The following C13orf46 variants were observed in gnomAD, a reference collection of about 807,000 sequenced individuals.
The protein encoded by C13orf46 is uncharacterized protein C13orf46.
At chr13:113,942,745 C>T in the C13orf46 span, among the ~76,000 whole-genome samples, 3 of 152,202 alleles carry the variant, frequency 2.0e-5, no homozygotes, top group South Asian at 2.1e-4. Context: ...CCTGGGCCAG[C>T]GGGCTCCAGG....
the C13orf46 span, among the ~76,000 whole-genome samples, chr13:113,945,565 GA>G: frequency 1.1e-5 from 1 of 91,204 alleles, no homozygotes; most frequent in Non-Finnish European, 2.5e-5. Flanking sequence ...AAGAAAGAAA[GA>G]AAGAAAGAAA....
At chr13:113,936,940 G>C in the C13orf46 span, among the ~76,000 whole-genome samples, 16 of 152,264 alleles carry the variant, frequency 1.1e-4, no homozygotes, top group African/African-American at 3.6e-4. Context: ...AGAATAAAGG[G>C]GGGTAATCCT....
At chr13:113,962,161 C>T (rs1184123218) in intron 6 of C13orf46, among the ~76,000 whole-genome samples, 4 of 152,198 alleles carry the variant, frequency 2.6e-5, no homozygotes, top group African/African-American at 7.2e-5. Context: ...CCCAGCACAT[C>T]GGGAGGCTGA....
At chr13:113,940,401 A>G in the C13orf46 span, among the ~76,000 whole-genome samples, 3 of 152,212 alleles carry the variant, frequency 2.0e-5, no homozygotes, top group African/African-American at 7.2e-5. Flanking sequence ...CAGAAGACGC[A>G]GGTGCTGGTT....
chr13:113,949,520 T>C (rs2052481105), downstream of C13orf46, among the ~76,000 whole-genome samples: 1 of 152,222 alleles, frequency 6.6e-6, no homozygotes, highest in Non-Finnish European at 1.5e-5. Flanking sequence ...TGAAGACGAT[T>C]AAGAAGAAAC....
chr13:113,938,715 T>C, the C13orf46 span, among the ~76,000 whole-genome samples: 1 of 152,158 alleles, frequency 6.6e-6, no homozygotes, highest in Admixed American at 6.5e-5. Context: ...GTCGCTCCCT[T>C]CCACACGTCC....
Position 113,955,604 on chromosome 13 carries a change from T to C in C13orf46, c.*1169A>G, listed in dbSNP as rs1178356742. The C allele has an allele frequency of 9.0e-6, 1 of 111,462 alleles. No homozygotes were observed. Among genetic ancestry groups the C allele is most frequent in the Non-Finnish European group, 1.8e-5 (1 of 55,114 alleles). 6.9% of individuals were successfully genotyped at this position (111,462 alleles called of 1,614,324 possible). A position where few individuals can be genotyped will look rare whatever the true frequency, so the allele number is the denominator to read the frequency against. ...GAGCATCTCGTGGAGCGGAGGAGCA[T>C]CTGGCAGAGACGAGGAGTAGTGTCT... On this transcript the variant is annotated 3_prime_UTR_variant, in exon 7 of 7. Coordinates refer to ENST00000636427, the MANE Select transcript of C13orf46 (RefSeq NM_001365455.2).
chr13:113,966,815 G>C (rs898999224), intron 5 of C13orf46, among the ~76,000 whole-genome samples: 3,379 of 151,340 alleles, frequency 0.022, 128 homozygotes, highest in African/African-American at 0.077. Flanking sequence ...GATACCCCAT[G>C]ATGATGATGA....
chr13:113,929,026 G>C, the C13orf46 span, among the ~76,000 whole-genome samples: 2 of 152,248 alleles, frequency 1.3e-5, no homozygotes, highest in Non-Finnish European at 2.9e-5. Flanking sequence ...GTAGCCGGAT[G>C]CTCTGCCAAG....
downstream of C13orf46, among the ~76,000 whole-genome samples, chr13:113,952,998 A>G (rs920192861): frequency 5.3e-5 from 8 of 152,274 alleles, no homozygotes; most frequent in East Asian, 9.7e-4. Context: ...TGCTCCCCAC[A>G]GTCTCCAAAG....
At chr13:113,958,648 G>A (rs980364434) in intron 6 of C13orf46, among the ~76,000 whole-genome samples, 4 of 152,380 alleles carry the variant, frequency 2.6e-5, no homozygotes, top group East Asian at 3.9e-4. Context: ...ATGGACAGAC[G>A]GCTCGCGGGC....
rs1015495398 is a variant in C13orf46, at chr13:113,956,199, A to C, written c.*574T>G. On this transcript the variant is annotated 3_prime_UTR_variant, in exon 7 of 7. Transcript: ENST00000636427. ...AGACAAGGAGCATCCGGTGGAGACG[A>C]GGAGCACCCGGTGGAGACGAGGAGC... 2 of 155,230 alleles carry C rather than the reference A, an allele frequency of 1.3e-5. No individual in the cohort carries two copies. Among genetic ancestry groups the C allele is most frequent in the African/African-American group, 4.9e-5 (2 of 40,676 alleles). 9.6% of individuals were successfully genotyped at this position (155,230 alleles called of 1,614,324 possible).
Position 113,955,009 on chromosome 13 carries a change from GTA to G in C13orf46, c.*1762_*1763del, listed in dbSNP as rs2052511577. On this transcript the variant is annotated 3_prime_UTR_variant, in exon 7 of 7. Transcript: ENST00000636427. Reference sequence around the variant, plus strand: ...GAGGAGGATCTGGCAGAGAGGAGGAGTAGGATCTGGCGGAGAGGAGGAGTAGG... The same window carrying G: ...GAGGAGGATCTGGCAGAGAGGAGGAGGGATCTGGCGGAGAGGAGGAGTAGG... 1.7e-5 allele frequency: 2 copies of G among 117,482 alleles called. No individual in the cohort carries two copies. Among genetic ancestry groups the G allele is most frequent in the South Asian group, 2.5e-4 (2 of 7,972 alleles). 7.3% of individuals were successfully genotyped at this position (117,482 alleles called of 1,614,324 possible). A position where few individuals can be genotyped will look rare whatever the true frequency, so the allele number is the denominator to read the frequency against.
chr13:113,959,150 T>C (rs1312425111), intron 6 of C13orf46, among the ~76,000 whole-genome samples: 1 of 152,088 alleles, frequency 6.6e-6, no homozygotes. Context: ...ATGGCACTTG[T>C]GGTCCCAGCT....
rs2052622202 is a variant in C13orf46, at chr13:113,964,976, T to C, written c.523A>G (p.Lys175Glu). 6.6e-6 allele frequency: 1 copy of C among 152,344 alleles called. No homozygotes were observed. 9.4% of individuals were successfully genotyped at this position (152,344 alleles called of 1,614,324 possible). ...TCCATCTGGGACGGCTTCTCTTCCT[T>C]CTTGGCATCGGTGACCACCTGTGGG... ...HAEEVVTDAK[K>E]EEKPSQMDVE... Residue 175 changes from lysine (K) to glutamate (E), a missense_variant, in exon 6 of 7, where the codon AAG becomes GAG. Transcript: ENST00000636427.
the C13orf46 span, among the ~76,000 whole-genome samples, chr13:113,937,771 G>A: frequency 1.4e-3 from 217 of 152,282 alleles, no homozygotes; most frequent in African/African-American, 5.0e-3. Flanking sequence ...AGAGACAAAC[G>A]GTTGCACTCC....
chr13:113,947,629 T>A, the C13orf46 span, among the ~76,000 whole-genome samples: 1 of 152,078 alleles, frequency 6.6e-6, no homozygotes, highest in African/African-American at 2.4e-5. Context: ...CAAGGCTTGG[T>A]TGGTTCTTGG....
At chr13:113,969,623 A>G (rs1416316704) in intron 2 of C13orf46, among the ~76,000 whole-genome samples, 8 of 152,174 alleles carry the variant, frequency 5.3e-5, no homozygotes, top group African/African-American at 1.7e-4. Context: ...TCTGAGACAA[A>G]TTTTTGAGGA....
At chr13:113,971,457 T>C (rs1398024834) in intron 1 of C13orf46, among the ~76,000 whole-genome samples, 3 of 152,204 alleles carry the variant, frequency 2.0e-5, no homozygotes, top group Non-Finnish European at 4.4e-5. Flanking sequence ...CGCAGAGCCT[T>C]TGCAGAATCA....
Sources: allele counts gnomAD v4.1 joint callset (sites outside exome capture counted in the v4.1 genomes callset), GRCh38; gene constraint gnomAD v4.1.1; transcripts MANE v1.5; gene names NCBI Gene and HGNC (gene_info 2026-07-23, HGNC 2026-07-21).